Variants in IL1RAPL1 observed in about 807,000 individuals in gnomAD.
The protein encoded by IL1RAPL1 is interleukin 1 receptor accessory protein like 1.
Under a neutral mutation model 48.4 loss-of-function variants are expected in IL1RAPL1, and 3 were observed. The ratio of observed to expected loss-of-function variants is 0.06; its 90% CI spans 0.03 to 0.16. IL1RAPL1 has a LOEUF of 0.16. Ranked by LOEUF, IL1RAPL1 falls within the 10% of genes least tolerant of loss-of-function variation. The pLI is 1.00. For synonymous variants in IL1RAPL1, 185 were observed against 187.7 expected (o/e 0.99, Z 0.12); for missense variants, 349 against 530.6 (o/e 0.66, Z 3.36).
intron 3 of IL1RAPL1, among the ~76,000 whole-genome samples, chrX:29,351,264 T>G (rs1392667898): frequency 2.7e-5 from 3 of 111,850 alleles, no homozygotes; most frequent in Non-Finnish European, 5.6e-5. Context: ...CTGAATTTAT[T>G]TATATAAAAT....
intron 2 of IL1RAPL1, among the ~76,000 whole-genome samples, chrX:28,932,321 A>C (rs949561795): frequency 1.8e-5 from 2 of 111,207 alleles, no homozygotes; most frequent in African/African-American, 6.5e-5. Flanking sequence ...AAATCTTTCT[A>C]TAGAGGCTTT....
chrX:29,320,693 G>T (rs911259172), intron 3 of IL1RAPL1, among the ~76,000 whole-genome samples: 3 of 109,888 alleles, frequency 2.7e-5, no homozygotes, highest in Non-Finnish European at 5.7e-5. Context: ...TTGAAACCGG[G>T]AGGCTGAGGT....
At chrX:29,387,061 CAG>C (rs1232256632) in intron 3 of IL1RAPL1, among the ~76,000 whole-genome samples, 3 of 111,540 alleles carry the variant, frequency 2.7e-5, no homozygotes, top group African/African-American at 9.8e-5. Flanking sequence ...CAAACCATGA[CAG>C]GGGAAGAGGA....
At chrX:29,519,210 A>G (rs1163760657) in intron 5 of IL1RAPL1, among the ~76,000 whole-genome samples, 2 of 111,598 alleles carry the variant, frequency 1.8e-5, no homozygotes, top group Non-Finnish European at 3.8e-5. Context: ...AGATCTTCAA[A>G]TAGAGATGTG....
At chrX:29,434,241 C>T (rs1421777786) in intron 5 of IL1RAPL1, among the ~76,000 whole-genome samples, 1 of 110,143 alleles carries the variant, frequency 9.1e-6, no homozygotes, top group Non-Finnish European at 1.9e-5. Flanking sequence ...ATCACTTCTG[C>T]TCTATAGACT....
At position 28,884,001 on chromosome X, in the gene IL1RAPL1, G is replaced by A. The variant is rs181178841; in HGVS notation, c.82+94576G>A. On this transcript the variant is annotated intron_variant, in intron 2 of 10. Transcript: ENST00000378993. The stretch of plus-strand genomic sequence containing the variant: ...AATGATGCAAGACATGTAATCTTGG[G>A]AGAAACTAGATTTGGAATTTTGGTG... Among the ~76,000 whole-genome samples the A allele has an allele frequency of 1.4e-3, 151 of 110,960 alleles. 1 individual carries two copies. Among genetic ancestry groups the A allele is most frequent in the Non-Finnish European group, 1.5e-3 (79 of 52,925 alleles).
chrX:29,529,918 T>C (rs1457352669), intron 5 of IL1RAPL1, among the ~76,000 whole-genome samples: 1 of 111,708 alleles, frequency 9.0e-6, no homozygotes, highest in Admixed American at 9.5e-5. Context: ...GTAACTTTTC[T>C]GTAATTTTGA....
At chrX:28,691,796 A>T (rs1164207999) in intron 1 of IL1RAPL1, among the ~76,000 whole-genome samples, 3 of 111,527 alleles carry the variant, frequency 2.7e-5, no homozygotes, top group Admixed American at 9.6e-5. Flanking sequence ...ATAATTTTTA[A>T]TTCCTCACCA....
chrX:28,891,102 A>G (rs899557966), intron 2 of IL1RAPL1, among the ~76,000 whole-genome samples: 1 of 111,978 alleles, frequency 8.9e-6, no homozygotes, highest in Admixed American at 9.5e-5. Context: ...AAATGCAGAC[A>G]GGATTCATAA....
chrX:29,774,137 G>A (rs557580403), intron 6 of IL1RAPL1, among the ~76,000 whole-genome samples: 7 of 106,358 alleles, frequency 6.6e-5, no homozygotes, highest in African/African-American at 1.0e-4. Context: ...CTTCCTCTCC[G>A]CCACCCCCCT....
intron 1 of IL1RAPL1, among the ~76,000 whole-genome samples, chrX:28,685,324 A>G (rs1274964720): frequency 8.9e-6 from 1 of 112,075 alleles, no homozygotes; most frequent in Non-Finnish European, 1.9e-5. Flanking sequence ...ATCAATCTCC[A>G]TGTTTCATTT....
At chrX:29,486,959 A>G (rs777008696) in intron 5 of IL1RAPL1, among the ~76,000 whole-genome samples, 1 of 111,703 alleles carries the variant, frequency 9.0e-6, no homozygotes, top group Non-Finnish European at 1.9e-5. Context: ...TGATTCAGTA[A>G]GTCTAGGGTG....
At chrX:29,190,649 A>AG (rs1930334621) in intron 2 of IL1RAPL1, among the ~76,000 whole-genome samples, 1 of 112,367 alleles carries the variant, frequency 8.9e-6, no homozygotes, top group African/African-American at 3.2e-5. Flanking sequence ...ATTCCTGGTA[A>AG]TTGATGCCGA....
At chrX:28,907,574 C>A (rs959503907) in intron 2 of IL1RAPL1, among the ~76,000 whole-genome samples, 1 of 112,729 alleles carries the variant, frequency 8.9e-6, no homozygotes, top group Non-Finnish European at 1.9e-5. Context: ...TTTTAAATAT[C>A]GAACCAGCAT....
chrX:29,501,413 T>A (rs1317596850), intron 5 of IL1RAPL1, among the ~76,000 whole-genome samples: 2 of 110,764 alleles, frequency 1.8e-5, no homozygotes, highest in Non-Finnish European at 3.8e-5. Flanking sequence ...TCCCCAATGA[T>A]TTTTTTTTCT....
rs1382555658 is a variant in IL1RAPL1 at position 28,672,954 on chromosome X, A to G, written c.-25+84907A>G. Reference sequence around the variant, plus strand: ...TTTTCCTGATCCTCTCCCTCCTCCCACCCTCCACCTTCTGAAATGCCCCAG... The same window carrying G: ...TTTTCCTGATCCTCTCCCTCCTCCCGCCCTCCACCTTCTGAAATGCCCCAG... On this transcript the variant is annotated intron_variant, in intron 1 of 10. Coordinates refer to ENST00000378993, the MANE Select transcript of IL1RAPL1 (RefSeq NM_014271.4). Among the ~76,000 whole-genome samples the G allele has an allele frequency of 2.7e-5, 3 of 109,577 alleles. No homozygotes were observed. In the East Asian group the frequency reaches 8.6e-4, roughly 31 times the overall value.
chrX:28,612,707 A>G (rs1461266491), intron 1 of IL1RAPL1, among the ~76,000 whole-genome samples: 1 of 112,405 alleles, frequency 8.9e-6, no homozygotes, highest in East Asian at 2.8e-4. Flanking sequence ...GAAGAGAGGT[A>G]TTCTAAGGAG....
At chrX:28,836,676 CGAG>C (rs1921226054) in intron 2 of IL1RAPL1, among the ~76,000 whole-genome samples, 1 of 109,887 alleles carries the variant, frequency 9.1e-6, no homozygotes, top group Non-Finnish European at 1.9e-5. Flanking sequence ...ACACGATCTA[CGAG>C]AAGGAAACTT....
intron 5 of IL1RAPL1, among the ~76,000 whole-genome samples, chrX:29,566,015 T>C (rs1174946694): frequency 9.1e-6 from 1 of 110,232 alleles, no homozygotes; most frequent in Non-Finnish European, 1.9e-5. Flanking sequence ...GCGTCGCGAT[T>C]TCGGCTCACT....
Sources: allele counts gnomAD v4.1 joint callset (sites outside exome capture counted in the v4.1 genomes callset), GRCh38; gene constraint gnomAD v4.1.1; transcripts MANE v1.5; gene names NCBI Gene and HGNC (gene_info 2026-07-23, HGNC 2026-07-21).